ADAMTS3: variants seen among roughly 807,000 people sequenced by gnomAD.
ADAMTS3 encodes the protein A disintegrin and metalloproteinase with thrombospondin motifs 3.
A neutral mutation model predicts 129.0 loss-of-function variants in ADAMTS3; 73 were observed. The observed-to-expected ratio is 0.57, with a 90% CI of 0.47 to 0.69. The LOEUF is 0.69. ADAMTS3 is among the 30% of genes least tolerant of loss of function. ADAMTS3 has a pLI of 0.00. For missense variants in ADAMTS3, 1,457 were observed against 1,514.5 expected (o/e 0.96, Z 0.63); for synonymous variants, 477 against 510.8 (o/e 0.93, Z 0.89).
At chr4:72,488,217 A>G (rs890098381) in intron 3 of ADAMTS3, among the ~76,000 whole-genome samples, 8 of 151,960 alleles carry the variant, frequency 5.3e-5, no homozygotes, top group Non-Finnish European at 1.0e-4. Flanking sequence ...CAATATATTT[A>G]ATATACAGGA....
At chr4:72,520,251 G>A (rs1402241845) in intron 3 of ADAMTS3, among the ~76,000 whole-genome samples, 1 of 152,186 alleles carries the variant, frequency 6.6e-6, no homozygotes, top group Non-Finnish European at 1.5e-5. Context: ...TGCCCCTACT[G>A]GGGGGTGCCT....
chr4:72,324,235 T>C (rs72862354), intron 5 of ADAMTS3, among the ~76,000 whole-genome samples: 3,569 of 152,216 alleles, frequency 0.023, 150 homozygotes, highest in African/African-American at 0.082. Flanking sequence ...TCAAGAATGA[T>C]TGAAGAATGC....
chr4:72,426,209 A>G (rs1199179476), intron 3 of ADAMTS3, among the ~76,000 whole-genome samples: 1 of 152,042 alleles, frequency 6.6e-6, no homozygotes, highest in Non-Finnish European at 1.5e-5. Context: ...AATTTGTTTG[A>G]GTTCATTGTA....
intron 3 of ADAMTS3, among the ~76,000 whole-genome samples, chr4:72,436,478 C>A (rs1717929887): frequency 6.6e-6 from 1 of 152,114 alleles, no homozygotes; most frequent in African/African-American, 2.4e-5. Flanking sequence ...ACTAGAAATA[C>A]CATTTGACCC....
chr4:72,459,890 A>C (rs1718716434), intron 3 of ADAMTS3, among the ~76,000 whole-genome samples: 1 of 151,626 alleles, frequency 6.6e-6, no homozygotes, highest in African/African-American at 2.4e-5. Context: ...TCTTATACAC[A>C]TAGCCTGAAA....
At chr4:72,506,113 GCTC>G (rs1344598396) in intron 3 of ADAMTS3, among the ~76,000 whole-genome samples, 1 of 152,204 alleles carries the variant, frequency 6.6e-6, no homozygotes, top group African/African-American at 2.4e-5. Flanking sequence ...GCTAGCAGTT[GCTC>G]CTAATTCTTG....
intron 3 of ADAMTS3, among the ~76,000 whole-genome samples, chr4:72,496,955 TTC>T (rs1021686987): frequency 3.9e-5 from 6 of 152,186 alleles, no homozygotes; most frequent in South Asian, 4.1e-4. Flanking sequence ...AAGGAACTTC[TTC>T]TCTCTCACCC....
intron 4 of ADAMTS3, among the ~76,000 whole-genome samples, chr4:72,352,003 C>CA (rs141731622): frequency 0.094 from 14,110 of 150,482 alleles, 1,135 homozygotes; most frequent in East Asian, 0.26. Context: ...ACAGCTCACT[C>CA]AAAAAAAAAT....
At chr4:72,516,353 T>C (rs1448311816) in intron 3 of ADAMTS3, among the ~76,000 whole-genome samples, 1 of 152,150 alleles carries the variant, frequency 6.6e-6, no homozygotes, top group Non-Finnish European at 1.5e-5. Context: ...TTTCAAGTAG[T>C]TTTTTCCAAT....
intron 3 of ADAMTS3, among the ~76,000 whole-genome samples, chr4:72,457,610 AAACTTTGC>A (rs1195524929): frequency 6.6e-6 from 1 of 151,674 alleles, no homozygotes; most frequent in Non-Finnish European, 1.5e-5. Flanking sequence ...AGTTTGTTAA[AAACTTTGC>A]CTGCTCTAAC....
At chr4:72,365,801 C>A (rs1720855615) in intron 4 of ADAMTS3, among the ~76,000 whole-genome samples, 1 of 152,090 alleles carries the variant, frequency 6.6e-6, no homozygotes, top group African/African-American at 2.4e-5. Context: ...TTTTATCTTT[C>A]AAGTTGATGT....
chr4:72,568,297 G>T (rs1722073257), intron 1 of ADAMTS3, among the ~76,000 whole-genome samples: 1 of 152,186 alleles, frequency 6.6e-6, no homozygotes, highest in Non-Finnish European at 1.5e-5. Context: ...TCTGGCGGCA[G>T]CAGCCAGAGC....
chr4:72,509,783 T>C lies in ADAMTS3; in HGVS notation c.504+38695A>G, dbSNP rs191482865. 1.3e-4 allele frequency among the ~76,000 whole-genome samples: 19 copies of C among 142,350 alleles called. 2 individuals are homozygous for C. In the East Asian group the frequency reaches 4.0e-3, roughly 30 times the overall value. The allele number at this position is 142,350 out of a possible 152,430, so 93.4% of individuals were successfully genotyped here. On this transcript the variant is annotated intron_variant, in intron 3 of 21. Coordinates refer to ENST00000286657, the MANE Select transcript of ADAMTS3 (RefSeq NM_014243.3). ...TACTACGAGGCTGCTATTAACCTGTTACCAAAACCAGACAAAGACACATTA... is the reference window on the plus strand; with the variant it reads ...TACTACGAGGCTGCTATTAACCTGTCACCAAAACCAGACAAAGACACATTA...
chr4:72,418,268 G>T (rs138585283), intron 3 of ADAMTS3, among the ~76,000 whole-genome samples: 3 of 152,018 alleles, frequency 2.0e-5, no homozygotes, highest in African/African-American at 7.2e-5. Flanking sequence ...CTTCGCTTTG[G>T]CCACTGTTAC....
chr4:72,539,491 G>GAAAAAAAAAAAAAAA (rs71215438), intron 3 of ADAMTS3, among the ~76,000 whole-genome samples: 1 of 86,598 alleles, frequency 1.2e-5, no homozygotes, highest in Non-Finnish European at 2.2e-5. Flanking sequence ...GCTACTATCA[G>GAAAAAAAAAAAAAAA]AAAAAAAAAA....
At chr4:72,284,431 C>T (rs1050901940) in intron 21 of ADAMTS3, among the ~76,000 whole-genome samples, 8 of 137,766 alleles carry the variant, frequency 5.8e-5, no homozygotes, top group Non-Finnish European at 1.2e-4. Context: ...GGTGACAGAG[C>T]GAGACTCTGT....
chr4:72,434,049 CA>C (rs1441994341), intron 3 of ADAMTS3, among the ~76,000 whole-genome samples: 1 of 151,834 alleles, frequency 6.6e-6, no homozygotes, highest in East Asian at 2.0e-4. Flanking sequence ...ATATAAATGG[CA>C]AGTCCCAGCC....
intron 4 of ADAMTS3, among the ~76,000 whole-genome samples, chr4:72,346,904 C>T (rs141582825): frequency 2.0e-5 from 3 of 152,232 alleles, no homozygotes; most frequent in Admixed American, 6.6e-5. Flanking sequence ...AGTGCACATT[C>T]ACCTGGCATG....
At chr4:72,440,311 G>A (rs185477289) in intron 3 of ADAMTS3, among the ~76,000 whole-genome samples, 101 of 151,770 alleles carry the variant, frequency 6.7e-4, no homozygotes, top group African/African-American at 2.3e-3. Context: ...GTTTATTGTG[G>A]ATAAATTGCT....
Sources: gnomAD v4.1 joint callset for allele counts (sites outside exome capture counted in the v4.1 genomes callset) on GRCh38, gnomAD v4.1.1 for gene constraint, MANE v1.5 for transcripts, NCBI Gene and HGNC (gene_info 2026-07-23, HGNC 2026-07-21) for gene names.